GALNT13: variants seen among roughly 807,000 people sequenced by gnomAD.
The protein encoded by GALNT13 is polypeptide N-acetylgalactosaminyltransferase 13.
GALNT13 carries 28 observed loss-of-function variants against 64.2 expected under a neutral mutation model. The observed-to-expected ratio is 0.44, with a 90% CI of 0.32 to 0.60. The LOEUF is 0.60. Among genes scored for constraint, GALNT13 ranks in the 20% least tolerant of loss-of-function variants. The pLI, the probability that GALNT13 is intolerant of heterozygous loss-of-function variation, is 0.05. For synonymous variants in GALNT13, 214 were observed against 224.6 expected (o/e 0.95, Z 0.42); for missense variants, 577 against 669.8 (o/e 0.86, Z 1.53).
the GALNT13 span, among the ~76,000 whole-genome samples, chr2:153,681,123 C>T: frequency 2.6e-4 from 40 of 151,832 alleles, no homozygotes; most frequent in African/African-American, 9.2e-4. Flanking sequence ...GAAAGGATCC[C>T]CAATTTGTCT....
the GALNT13 span, among the ~76,000 whole-genome samples, chr2:153,603,488 T>A: frequency 6.6e-6 from 1 of 151,984 alleles, no homozygotes; most frequent in African/African-American, 2.4e-5. Context: ...AAACAGTAAT[T>A]TGACTCAAGG....
intron 8 of GALNT13, among the ~76,000 whole-genome samples, chr2:154,273,704 G>A (rs777887929): frequency 6.6e-6 from 1 of 152,074 alleles, no homozygotes; most frequent in Non-Finnish European, 1.5e-5. Flanking sequence ...TTTCAAGTTT[G>A]TAAGCTGTAC....
At chr2:154,197,594 G>A (rs934480950) in intron 4 of GALNT13, among the ~76,000 whole-genome samples, 2 of 151,820 alleles carry the variant, frequency 1.3e-5, no homozygotes, top group African/African-American at 4.8e-5. Context: ...ATATATTTAG[G>A]AGAATGTTTT....
chr2:154,236,767 A>G (rs1326031840), intron 4 of GALNT13, among the ~76,000 whole-genome samples: 2 of 152,122 alleles, frequency 1.3e-5, no homozygotes, highest in African/African-American at 2.4e-5. Flanking sequence ...TTTACATAAA[A>G]GAAAACAAAT....
chr2:154,340,292 G>C (rs1695687916), intron 9 of GALNT13, among the ~76,000 whole-genome samples: 1 of 151,990 alleles, frequency 6.6e-6, no homozygotes, highest in South Asian at 2.1e-4. Context: ...ATCTCACTAT[G>C]TTACGCAGAG....
chr2:153,771,336 A>C, the GALNT13 span, among the ~76,000 whole-genome samples: 1 of 152,274 alleles, frequency 6.6e-6, no homozygotes, highest in Non-Finnish European at 1.5e-5. Context: ...TGTGAGAGTG[A>C]GTGTGCTAAA....
chr2:154,278,884 AAAGT>A (rs1308116524), intron 8 of GALNT13, among the ~76,000 whole-genome samples: 21 of 152,152 alleles, frequency 1.4e-4, no homozygotes, highest in Non-Finnish European at 8.8e-5. Flanking sequence ...AAATATGAGC[AAAGT>A]AATTATTTTG....
chr2:153,116,055 T>C, the GALNT13 span, among the ~76,000 whole-genome samples: 1 of 152,144 alleles, frequency 6.6e-6, no homozygotes, highest in Non-Finnish European at 1.5e-5. Flanking sequence ...AGTGTGGTTT[T>C]AGGGGATAAA....
intron 3 of GALNT13, among the ~76,000 whole-genome samples, chr2:154,010,220 T>C (rs994924594): frequency 6.6e-6 from 1 of 152,194 alleles, no homozygotes; most frequent in African/African-American, 2.4e-5. Flanking sequence ...TGATGTTGAC[T>C]ATGGTTTTCT....
chr2:153,114,194 G>A, the GALNT13 span, among the ~76,000 whole-genome samples: 1 of 152,078 alleles, frequency 6.6e-6, no homozygotes, highest in Non-Finnish European at 1.5e-5. Flanking sequence ...ATGCCAGGAT[G>A]TGCTCAAAAT....
chr2:153,987,703 A>C (rs1280694180), intron 3 of GALNT13, among the ~76,000 whole-genome samples: 1 of 151,800 alleles, frequency 6.6e-6, no homozygotes, highest in Non-Finnish European at 1.5e-5. Flanking sequence ...TAGACAAAAA[A>C]AGGAAGATAG....
the GALNT13 span, among the ~76,000 whole-genome samples, chr2:153,612,951 A>G: frequency 1.9e-4 from 29 of 152,182 alleles, no homozygotes; most frequent in Admixed American, 1.9e-3. Flanking sequence ...AAAGCAAAAC[A>G]AACAGACAAA....
chr2:153,540,125 C>G, the GALNT13 span, among the ~76,000 whole-genome samples: 3 of 152,308 alleles, frequency 2.0e-5, no homozygotes, highest in African/African-American at 7.2e-5. Flanking sequence ...AGGAATAAAT[C>G]GGTTCTGTGG....
the GALNT13 span, among the ~76,000 whole-genome samples, chr2:153,866,657 A>T: frequency 6.6e-6 from 1 of 152,232 alleles, no homozygotes. Context: ...AACCTATAAT[A>T]ATAAGATATA....
chr2:154,166,768 A>G (rs1371330831), intron 4 of GALNT13, among the ~76,000 whole-genome samples: 1 of 152,236 alleles, frequency 6.6e-6, no homozygotes, highest in East Asian at 1.9e-4. Context: ...AAAATGTGGC[A>G]CATATACACC....
the GALNT13 span, among the ~76,000 whole-genome samples, chr2:153,615,680 T>C: frequency 6.6e-6 from 1 of 152,142 alleles, no homozygotes; most frequent in Admixed American, 6.6e-5. Context: ...GTTTCCCATT[T>C]GAGAAAATGG....
the GALNT13 span, among the ~76,000 whole-genome samples, chr2:153,312,268 C>CT: frequency 6.6e-6 from 1 of 152,196 alleles, no homozygotes; most frequent in Admixed American, 6.5e-5. Flanking sequence ...GTAGACTGGG[C>CT]TACAGGTTAG....
chr2:153,522,663 T>C, the GALNT13 span, among the ~76,000 whole-genome samples: 163 of 152,320 alleles, frequency 1.1e-3, no homozygotes, highest in African/African-American at 3.7e-3. Context: ...ACATCTTCTT[T>C]CGTGTGGTGC....
the GALNT13 span, among the ~76,000 whole-genome samples, chr2:153,238,022 C>A: frequency 1.6e-3 from 239 of 152,050 alleles, no homozygotes; most frequent in Admixed American, 4.1e-3. Context: ...GGATAAAAAA[C>A]CATTTTAACT....
Sources: gnomAD v4.1 joint callset for allele counts (sites outside exome capture counted in the v4.1 genomes callset) on GRCh38, gnomAD v4.1.1 for gene constraint, MANE v1.5 for transcripts, NCBI Gene and HGNC (gene_info 2026-07-23, HGNC 2026-07-21) for gene names.